The following SLC25A13 variants were observed in gnomAD, a reference collection of about 807,000 sequenced individuals.
The protein encoded by SLC25A13 is electrogenic aspartate/glutamate antiporter SLC25A13, mitochondrial.
SLC25A13 carries 70 observed loss-of-function variants against 85.5 expected under a neutral mutation model. The ratio of observed to expected loss-of-function variants is 0.82; its 90% confidence interval spans 0.68 to 1.00. The LOEUF (loss-of-function observed/expected upper bound fraction) is 1.00, where lower values mean the gene tolerates loss of function less well. Ranked by LOEUF, SLC25A13 falls within the 50% of genes least tolerant of loss-of-function variation. The probability of loss-of-function intolerance (pLI) is 0.00; values close to 1 mark genes in which losing one functional copy is unlikely to be tolerated. For synonymous variants in SLC25A13, 259 were observed against 288.7 expected, an observed-to-expected ratio of 0.90 and a Z score of 1.04; for missense variants, 765 against 819.8, an observed-to-expected ratio of 0.93 and a Z score of 0.82.
chr7:96,184,358 CAA>C lies in SLC25A13; in HGVS notation c.1094_1095del (p.Phe365CysfsTer7). ...RMQNQRSTGS[F>X]VGELMYKNSF... ...CTGTTTTTATACATGAGTTCTCCCA[CAA>C]AAGAGCCAGTTGATCGTTGGTTCTG... On this transcript the variant is annotated frameshift_variant, in exon 11 of 18. Transcript: ENST00000265631. LOFTEE classifies it high-confidence loss of function. The C allele has an allele frequency of 1.2e-6, 2 of 1,614,152 alleles. No individual in the cohort carries two copies. Among genetic ancestry groups the C allele is most frequent in the Non-Finnish European group, 1.7e-6 (2 of 1,180,028 alleles).
At chr7:96,189,818 G>C in intron 7 of SLC25A13, 144 bp from the exon 8 acceptor site, 1 of 778,836 alleles carries the variant, frequency 1.3e-6, no homozygotes, top group Non-Finnish European at 2.2e-6. Flanking sequence ...TCCAAATAAG[G>C]TAAGAATTTT....
intron 3 of SLC25A13, among the ~76,000 whole-genome samples, chr7:96,264,900 A>G (rs1797992634): frequency 6.6e-6 from 1 of 152,322 alleles, no homozygotes; most frequent in Admixed American, 6.5e-5. Flanking sequence ...GCAGTTTTAT[A>G]TCTTTACAAA....
At chr7:96,202,569 C>G (rs535780062) in intron 5 of SLC25A13, among the ~76,000 whole-genome samples, 4 of 152,186 alleles carry the variant, frequency 2.6e-5, no homozygotes, top group Non-Finnish European at 5.9e-5. Context: ...CTGGATGATG[C>G]TTTTAGAGCA....
At chr7:96,251,955 G>A (rs111411421) in intron 3 of SLC25A13, among the ~76,000 whole-genome samples, 1 of 152,174 alleles carries the variant, frequency 6.6e-6, no homozygotes, top group African/African-American at 2.4e-5. Flanking sequence ...CCTGGTCAGA[G>A]AGCCTCAAGT....
At chr7:96,298,916 G>A (rs199772987) in intron 1 of SLC25A13, among the ~76,000 whole-genome samples, 5,497 of 152,036 alleles carry the variant, frequency 0.036, 331 homozygotes, top group African/African-American at 0.12. Context: ...GAACACAAGA[G>A]AAGATGGGAC....
At chr7:96,145,717 A>G (rs910669059) in intron 14 of SLC25A13, among the ~76,000 whole-genome samples, 7 of 152,238 alleles carry the variant, frequency 4.6e-5, no homozygotes, top group African/African-American at 1.7e-4. Flanking sequence ...CAGATGACCT[A>G]AAAAGTGGGT....
chr7:96,180,465 C>T (rs975299504), intron 11 of SLC25A13, among the ~76,000 whole-genome samples: 11 of 152,058 alleles, frequency 7.2e-5, no homozygotes, highest in Non-Finnish European at 1.0e-4. Flanking sequence ...CCTGTAGCTG[C>T]GATTACAGGC....
intron 1 of SLC25A13, among the ~76,000 whole-genome samples, chr7:96,319,140 T>G (rs1800236513): frequency 6.6e-6 from 1 of 152,210 alleles, no homozygotes; most frequent in Non-Finnish European, 1.5e-5. Flanking sequence ...CCACATTTAC[T>G]GCACTGCCAT....
At chr7:96,277,812 A>G (rs2116941103) in intron 2 of SLC25A13, among the ~76,000 whole-genome samples, 1 of 151,968 alleles carries the variant, frequency 6.6e-6, no homozygotes, top group South Asian at 2.1e-4. Context: ...AAAAAAAAAA[A>G]AGTGGAATTA....
intron 2 of SLC25A13, among the ~76,000 whole-genome samples, chr7:96,281,225 T>C (rs908018036): frequency 1.2e-3 from 185 of 151,916 alleles, no homozygotes; most frequent in African/African-American, 4.2e-3. Context: ...ACCCCGTCTG[T>C]ACTAAAAATA....
chr7:96,242,227 A>C (rs1797024455), intron 3 of SLC25A13, among the ~76,000 whole-genome samples: 1 of 152,248 alleles, frequency 6.6e-6, no homozygotes, highest in Admixed American at 6.5e-5. Flanking sequence ...TCTAACCATC[A>C]GACCACACAA....
intron 1 of SLC25A13, among the ~76,000 whole-genome samples, chr7:96,318,944 C>T (rs1360996206): frequency 6.6e-6 from 1 of 152,158 alleles, no homozygotes; most frequent in African/African-American, 2.4e-5. Context: ...GCCAACCCTA[C>T]CCCTATGGCT....
chr7:96,312,981 T>C lies in SLC25A13; in HGVS notation c.15+8961A>G, dbSNP rs528922580. Reference sequence around the variant, plus strand: ...CTATCTGCCCATAACAGGTACTTAATTGAACTAACTAGAAACTTTATCAGG... The same window carrying C: ...CTATCTGCCCATAACAGGTACTTAACTGAACTAACTAGAAACTTTATCAGG... On this transcript the variant is annotated intron_variant, in intron 1 of 17. Coordinates refer to ENST00000265631, the MANE Select transcript of SLC25A13 (RefSeq NM_014251.3). 4.6e-5 allele frequency among the ~76,000 whole-genome samples: 7 copies of C among 152,310 alleles called. No homozygotes were observed. In the East Asian group the frequency reaches 1.3e-3, roughly 29 times the overall value.
intron 4 of SLC25A13, among the ~76,000 whole-genome samples, chr7:96,230,525 GAAACATTT>G (rs1434273294): frequency 6.6e-6 from 1 of 152,126 alleles, no homozygotes; most frequent in Non-Finnish European, 1.5e-5. Flanking sequence ...AATACAAATG[GAAACATTT>G]AATTTTTTCT....
chr7:96,188,420 T>C (rs1431137707), intron 9 of SLC25A13, among the ~76,000 whole-genome samples: 1 of 152,210 alleles, frequency 6.6e-6, no homozygotes, highest in Admixed American at 6.5e-5. Context: ...GTCCTAAAAG[T>C]GTAGCCTGCA....
At chr7:96,292,222 T>G (rs1799154624) in intron 2 of SLC25A13, among the ~76,000 whole-genome samples, 1 of 152,168 alleles carries the variant, frequency 6.6e-6, no homozygotes, top group Non-Finnish European at 1.5e-5. Context: ...TTTGATAAAC[T>G]TCAACAGCAC....
intron 3 of SLC25A13, among the ~76,000 whole-genome samples, chr7:96,255,913 C>T (rs1190578350): frequency 1.3e-5 from 2 of 151,996 alleles, no homozygotes; most frequent in Non-Finnish European, 1.5e-5. Context: ...AGAGTAGGGG[C>T]CAATATTCAA....
chr7:96,156,978 T>C (rs1793293421), intron 13 of SLC25A13, among the ~76,000 whole-genome samples: 1 of 152,206 alleles, frequency 6.6e-6, no homozygotes, highest in Admixed American at 6.5e-5. Flanking sequence ...ATAGGAGCAA[T>C]GGGTGCTTCA....
chr7:96,172,144 A>G (rs1200817805), intron 11 of SLC25A13, among the ~76,000 whole-genome samples: 2 of 152,040 alleles, frequency 1.3e-5, no homozygotes, highest in African/African-American at 4.8e-5. Flanking sequence ...CCCTGCCCAC[A>G]CTCTCTTCCT....
Sources: gnomAD v4.1 joint callset for allele counts (sites outside exome capture counted in the v4.1 genomes callset) on GRCh38, gnomAD v4.1.1 for gene constraint, MANE v1.5 for transcripts, NCBI Gene and HGNC (gene_info 2026-07-23, HGNC 2026-07-21) for gene names.